The following NGLY1 variants were observed in gnomAD, a reference collection of about 807,000 sequenced individuals.
NGLY1 encodes the protein N-glycanase 1, also known as peptide-N(4)-(N-acetyl-beta-glucosaminyl)asparagine amidase.
A neutral mutation model predicts 84.6 loss-of-function variants in NGLY1; 68 were observed. That is an observed-to-expected ratio of 0.80 (90% CI 0.66 to 0.98). The LOEUF is 0.98. NGLY1 is among the 50% of genes least tolerant of loss of function. The pLI is 0.00. For synonymous variants in NGLY1, 280 were observed against 275.2 expected, an observed-to-expected ratio of 1.02 and a Z score of -0.17; for missense variants, 779 against 770.2, an observed-to-expected ratio of 1.01 and a Z score of -0.14.
At chr3:25,754,906 T>C in intron 3 of NGLY1, 1 of 692,990 alleles carries the variant, frequency 1.4e-6, no homozygotes, top group East Asian at 2.5e-5. Context: ...TCTCTCCGGA[T>C]AACGAGTGGC....
At position 25,775,708 on chromosome 3, in the gene NGLY1, G is replaced by A. The variant is rs1708126023; in HGVS notation, c.246+2866C>T. Reference sequence around the variant, plus strand: ...AAGGCTTGGAGGGATAGAAGGGACTGGGCAATAGAAAGAGATTGGTTAATG... The same window carrying A: ...AAGGCTTGGAGGGATAGAAGGGACTAGGCAATAGAAAGAGATTGGTTAATG... On this transcript the variant is annotated intron_variant, in intron 2 of 11. Transcript: ENST00000280700. Among the ~76,000 whole-genome samples the A allele has an allele frequency of 2.0e-5, 3 of 152,156 alleles. No individual in the cohort carries two copies. The South Asian group carries it at 6.2e-4, about 31-fold the overall frequency.
intron 2 of NGLY1, among the ~76,000 whole-genome samples, chr3:25,776,834 A>G (rs1172155948): frequency 3.3e-5 from 5 of 152,168 alleles, no homozygotes; most frequent in Admixed American, 3.3e-4. Flanking sequence ...CATCTCCACC[A>G]TCAGTACTTA....
intron 10 of NGLY1, among the ~76,000 whole-genome samples, chr3:25,727,674 T>C (rs948265587): frequency 3.3e-5 from 5 of 152,226 alleles, no homozygotes; most frequent in African/African-American, 9.6e-5. Flanking sequence ...TTTGTTTACG[T>C]AGCTGAGAAT....
intron 10 of NGLY1, among the ~76,000 whole-genome samples, chr3:25,725,343 C>T (rs1705197511): frequency 6.6e-6 from 1 of 152,182 alleles, no homozygotes; most frequent in Non-Finnish European, 1.5e-5. Context: ...CTCCATGTGC[C>T]TTCCTATACC....
At chr3:25,719,970 G>A (rs780889778) in intron 11 of NGLY1, 44 bp downstream of exon 11, 4 of 1,524,880 alleles carry the variant, frequency 2.6e-6, no homozygotes, top group African/African-American at 1.4e-5. Flanking sequence ...TCTTCAGAGT[G>A]GTAAATATAT....
At chr3:25,721,308 G>A (rs1420165766) in intron 10 of NGLY1, among the ~76,000 whole-genome samples, 1 of 152,154 alleles carries the variant, frequency 6.6e-6, no homozygotes, top group Admixed American at 6.5e-5. Context: ...TCAGTCTCCT[G>A]AGTTGCTGAG....
At chr3:25,723,333 C>T (rs1284878545) in intron 10 of NGLY1, among the ~76,000 whole-genome samples, 2 of 152,160 alleles carry the variant, frequency 1.3e-5, no homozygotes, top group Admixed American at 6.5e-5. Flanking sequence ...TGATTTAATA[C>T]TTAAATGTTT....
At chr3:25,720,323 T>A (rs1704921713) in intron 10 of NGLY1, 132 bp from the exon 11 acceptor site, 1 of 670,190 alleles carries the variant, frequency 1.5e-6, no homozygotes, top group East Asian at 3.1e-5. Context: ...AACTTTTCCC[T>A]GTTGAAAAGG....
In NGLY1 at chr3:25,749,483, G is replaced by A. The variant is rs1706613990; in HGVS notation, c.658+1615C>T. 5.3e-6 allele frequency: 8 copies of A among 1,521,678 alleles called. No homozygotes were observed. In the Admixed American group the frequency reaches 1.2e-4, roughly 22 times the overall value. 94.3% of individuals were successfully genotyped at this position (1,521,678 alleles called of 1,614,324 possible). A position where few individuals can be genotyped will look rare whatever the true frequency, so the allele number is the denominator to read the frequency against. On this transcript the variant is annotated intron_variant, in intron 4 of 11. Transcript: ENST00000280700. The stretch of plus-strand genomic sequence containing the variant: ...AGAGGTGGCAGCCATCTCCTCTTCG[G>A]CCTCATGGCCGCCCTCAGACCCCTT...
In NGLY1 at chr3:25,755,207, G is replaced by A. The variant is rs755383234; in HGVS notation, c.493-3944C>T. On this transcript the variant is annotated intron_variant, in intron 3 of 11. Transcript: ENST00000280700. ...CCCAAGAGGTTTCTTACTGGATATTGCAAGGCAGAAAAATCAAACCCCTTT... is the reference window on the plus strand; with the variant it reads ...CCCAAGAGGTTTCTTACTGGATATTACAAGGCAGAAAAATCAAACCCCTTT... 7.5e-5 allele frequency: 102 copies of A among 1,368,484 alleles called. 1 individual carries two copies. Among genetic ancestry groups the A allele is most frequent in the Non-Finnish European group, 1.0e-4 (97 of 957,474 alleles). The allele number at this position is 1,368,484 out of a possible 1,614,324, so 84.8% of individuals were successfully genotyped here.
At chr3:25,752,236 T>A (rs930738328) in intron 3 of NGLY1, among the ~76,000 whole-genome samples, 1 of 152,178 alleles carries the variant, frequency 6.6e-6, no homozygotes, top group African/African-American at 2.4e-5. Context: ...TATTATTATT[T>A]TTTTGAGACA....
At chr3:25,788,051 C>T (rs938898807), upstream of NGLY1, among the ~76,000 whole-genome samples, 11 of 152,194 alleles carry the variant, frequency 7.2e-5, no homozygotes, top group African/African-American at 1.2e-4. Context: ...CACTATAGCA[C>T]CTGTTTCAAC....
At chr3:25,753,931 C>T (rs1312955119) in intron 3 of NGLY1, among the ~76,000 whole-genome samples, 1 of 152,106 alleles carries the variant, frequency 6.6e-6, no homozygotes, top group Non-Finnish European at 1.5e-5. Context: ...CTGTATTAAG[C>T]ACTGGAATGG....
At chr3:25,747,389 T>G (rs1468632432) in intron 4 of NGLY1, among the ~76,000 whole-genome samples, 1 of 152,180 alleles carries the variant, frequency 6.6e-6, no homozygotes, top group East Asian at 1.9e-4. Context: ...AGAGAACAAC[T>G]GTCTTAAGGT....
intron 1 of NGLY1, among the ~76,000 whole-genome samples, chr3:25,782,375 A>G (rs1050370066): frequency 6.6e-6 from 1 of 152,176 alleles, no homozygotes; most frequent in Non-Finnish European, 1.5e-5. Flanking sequence ...TAAATGAGGT[A>G]ACACCCCTAA....
intron 1 of NGLY1, among the ~76,000 whole-genome samples, chr3:25,780,796 T>A (rs1264404773): frequency 6.6e-6 from 1 of 151,828 alleles, no homozygotes; most frequent in Non-Finnish European, 1.5e-5. Context: ...TTTTTTTTTT[T>A]ATTAAGAGAT....
chr3:25,748,893 T>C (rs1002150893), intron 4 of NGLY1, among the ~76,000 whole-genome samples: 3 of 151,946 alleles, frequency 2.0e-5, no homozygotes, highest in Non-Finnish European at 4.4e-5. Flanking sequence ...TGCAAATGCG[T>C]ATTCAGGTAA....
At chr3:25,729,975 C>T (rs1201075026) in intron 9 of NGLY1, 1 of 152,098 alleles carries the variant, frequency 6.6e-6, no homozygotes, top group Non-Finnish European at 1.5e-5. Flanking sequence ...GTTTTCTACT[C>T]TCCACATACT....
exon 1 of NGLY1, chr3:25,789,904 G>C: frequency 6.4e-7 from 1 of 1,551,592 alleles, no homozygotes; most frequent in Non-Finnish European, 8.7e-7. Flanking sequence ...GCGAGTCACT[G>C]AGGTTCCGAG....
Sources: allele counts gnomAD v4.1 joint callset (sites outside exome capture counted in the v4.1 genomes callset), GRCh38; gene constraint gnomAD v4.1.1; transcripts MANE v1.5; gene names NCBI Gene and HGNC (gene_info 2026-07-23, HGNC 2026-07-21).